The following IGF2BP1 variants were observed in gnomAD, a reference collection of about 807,000 sequenced individuals.
The protein encoded by IGF2BP1 is insulin-like growth factor 2 mRNA-binding protein 1.
Under a neutral mutation model 74.9 loss-of-function variants are expected in IGF2BP1, and 11 were observed. The observed-to-expected ratio is 0.15, with a 90% CI of 0.09 to 0.24. IGF2BP1 has a LOEUF of 0.24. IGF2BP1 is among the 10% of genes least tolerant of loss of function. The pLI is 1.00. For missense variants in IGF2BP1, 440 were observed against 757.4 expected (o/e 0.58, Z 4.92); for synonymous variants, 287 against 281.8 (o/e 1.02, Z -0.18).
In IGF2BP1 at chr17:49,032,902, A is replaced by G. The variant is rs1465028226; in HGVS notation, c.401+929A>G. 2.6e-5 allele frequency among the ~76,000 whole-genome samples: 4 copies of G among 151,566 alleles called. No individual in the cohort carries two copies. The East Asian group carries it at 7.8e-4, about 30-fold the overall frequency. On this transcript the variant is annotated intron_variant, in intron 5 of 14. Transcript: ENST00000290341. ...ATGATATCTGCTCACTGCAACCTCA[A>G]CCTCCTGGGCTCAAGCAATCCTCCC...
In IGF2BP1 at chr17:49,043,876, C is replaced by T. The variant is rs532667194; in HGVS notation, c.1201-91C>T. The T allele has an allele frequency of 3.2e-4, 489 of 1,543,968 alleles. 1 individual carries two copies. The highest frequency in any genetic ancestry group is 1.4e-4 in the African/African-American group (10 of 72,802). ...GGGTGGCGGTTTGGTGCCTGTACTC[C>T]TTCCTCCTTGAGGATGCAAGGCAGG... On this transcript the variant is annotated intron_variant, in intron 10 of 14. Coordinates refer to ENST00000290341, the MANE Select transcript of IGF2BP1 (RefSeq NM_006546.4).
chr17:49,009,397 C>T (rs943555101), intron 2 of IGF2BP1, among the ~76,000 whole-genome samples: 1 of 151,692 alleles, frequency 6.6e-6, no homozygotes, highest in East Asian at 1.9e-4. Context: ...TCTCTTTATC[C>T]TTGGTATTTT....
At chr17:49,040,717 T>C (rs901718332) in intron 7 of IGF2BP1, among the ~76,000 whole-genome samples, 1 of 152,254 alleles carries the variant, frequency 6.6e-6, no homozygotes, top group African/African-American at 2.4e-5. Flanking sequence ...TCAGCACATA[T>C]ATTAGTACAT....
chr17:49,007,912 C>G (rs540805722), intron 2 of IGF2BP1, among the ~76,000 whole-genome samples: 1 of 152,206 alleles, frequency 6.6e-6, no homozygotes, highest in Non-Finnish European at 1.5e-5. Flanking sequence ...TGGCTCACGC[C>G]TGTAATCCCA....
chr17:49,038,058 T>C, intron 5 of IGF2BP1, 110 bp from the exon 6 acceptor site: 1 of 1,008,534 alleles, frequency 9.9e-7, no homozygotes, highest in Non-Finnish European at 1.3e-6. Context: ...ACTATCTCCT[T>C]TTCTTTAGTG....
chr17:49,005,400 TAGAG>T (rs890433722), intron 2 of IGF2BP1, among the ~76,000 whole-genome samples: 1 of 152,164 alleles, frequency 6.6e-6, no homozygotes, highest in Admixed American at 6.5e-5. Context: ...TTGACTGAAA[TAGAG>T]AGCAAACAGC....
At chr17:49,035,255 G>A (rs2041972813) in intron 5 of IGF2BP1, among the ~76,000 whole-genome samples, 1 of 152,182 alleles carries the variant, frequency 6.6e-6, no homozygotes, top group African/African-American at 2.4e-5. Flanking sequence ...CATGACAAAA[G>A]ATGAATTTGG....
At chr17:49,005,590 A>G (rs989254793) in intron 2 of IGF2BP1, among the ~76,000 whole-genome samples, 1 of 152,058 alleles carries the variant, frequency 6.6e-6, no homozygotes, top group Non-Finnish European at 1.5e-5. Flanking sequence ...GTGGAGAAAA[A>G]TCCCATAATA....
chr17:49,015,040 T>C, intron 2 of IGF2BP1: 5 of 635,930 alleles, frequency 7.9e-6, no homozygotes, highest in Non-Finnish European at 9.8e-6. Flanking sequence ...GCGTGTGTCC[T>C]GTCGCCCAGG....
At chr17:49,044,216 A>G (rs1319575571) in intron 11 of IGF2BP1, 130 bp downstream of exon 11, 7 of 1,305,336 alleles carry the variant, frequency 5.4e-6, no homozygotes, top group Middle Eastern at 1.9e-4. Context: ...CCTTTCCCCC[A>G]TGGAATCGAA....
intron 2 of IGF2BP1, among the ~76,000 whole-genome samples, chr17:49,001,523 A>C (rs1291932505): frequency 1.3e-5 from 2 of 152,158 alleles, no homozygotes; most frequent in Non-Finnish European, 1.5e-5. Flanking sequence ...ATACCTCTTA[A>C]TGTATTTTGT....
In IGF2BP1 at chr17:48,997,744, C is replaced by G. The variant is rs780731293; in HGVS notation, c.-2C>G. The G allele has an allele frequency of 3.1e-6, 5 of 1,613,062 alleles. No individual in the cohort carries two copies. Among genetic ancestry groups the G allele is most frequent in the Non-Finnish European group, 4.2e-6 (5 of 1,179,446 alleles). ...ACCGCGTCCTGCCCCGAGACCGCCA[C>G]CATGAACAAGCTTTACATCGGCAAC... On this transcript the variant is annotated 5_prime_UTR_variant, in exon 1 of 15. Coordinates refer to ENST00000290341, the MANE Select transcript of IGF2BP1 (RefSeq NM_006546.4). The surrounding 1 kb of genome is among the most constrained non-coding windows in gnomAD (Gnocchi z 4.8).
chr17:49,019,942 A>ATATATATATT (rs2041764899), intron 2 of IGF2BP1, among the ~76,000 whole-genome samples: 1 of 55,242 alleles, frequency 1.8e-5, no homozygotes, highest in African/African-American at 9.8e-5. Context: ...ATATATATAT[A>ATATATATATT]TATATATTTA....
At chr17:49,011,904 ATTTTTTTTTT>A (rs68074534) in intron 2 of IGF2BP1, among the ~76,000 whole-genome samples, 7 of 124,634 alleles carry the variant, frequency 5.6e-5, no homozygotes, top group African/African-American at 2.2e-4. Context: ...AAGAAAATTG[ATTTTTTTTTT>A]TTTTTTTTTG....
intron 5 of IGF2BP1, chr17:49,036,401 A>C (rs1281880687): frequency 6.6e-6 from 1 of 152,150 alleles, no homozygotes; most frequent in Non-Finnish European, 1.5e-5. Flanking sequence ...TACAGAGATT[A>C]GCATGGCCCC....
At chr17:49,027,900 A>G (rs375180689) in intron 4 of IGF2BP1, among the ~76,000 whole-genome samples, 16 of 146,522 alleles carry the variant, frequency 1.1e-4, no homozygotes, top group East Asian at 4.0e-4. Context: ...GCTGGGCACA[A>G]TGACTCACAC....
At chr17:49,027,624 A>G (rs902537199) in intron 4 of IGF2BP1, among the ~76,000 whole-genome samples, 1 of 151,102 alleles carries the variant, frequency 6.6e-6, no homozygotes, top group Non-Finnish European at 1.5e-5. Flanking sequence ...AGGCCGAGGC[A>G]GGCGGATCAC....
intron 6 of IGF2BP1, among the ~76,000 whole-genome samples, 171 bp downstream of exon 6, chr17:49,038,620 G>C (rs372875811): frequency 3.3e-5 from 5 of 152,244 alleles, no homozygotes; most frequent in East Asian, 3.9e-4. Context: ...GAAAGGGAGG[G>C]CAGATAGGGA....
At chr17:49,029,514 T>TG (rs1395695164) in intron 4 of IGF2BP1, among the ~76,000 whole-genome samples, 32 of 152,216 alleles carry the variant, frequency 2.1e-4, no homozygotes, top group African/African-American at 5.5e-4. Context: ...TCCTCAGTGT[T>TG]GTGGGGGGCA....
Sources: gnomAD v4.1 joint callset for allele counts (sites outside exome capture counted in the v4.1 genomes callset) on GRCh38, gnomAD v4.1.1 for gene constraint, Gnocchi (gnomAD v3.1) non-coding constraint, MANE v1.5 for transcripts, NCBI Gene and HGNC (gene_info 2026-07-23, HGNC 2026-07-21) for gene names.